The following KCNIP4 variants were observed in gnomAD, a reference collection of about 807,000 sequenced individuals.
KCNIP4 encodes the protein potassium voltage-gated channel interacting protein 4, also known as Kv channel-interacting protein 4.
In KCNIP4, 12 loss-of-function variants were observed where a neutral mutation model predicts 34.0. The observed-to-expected ratio is 0.35, with a 90% CI of 0.23 to 0.57. The LOEUF (loss-of-function observed/expected upper bound fraction) is 0.57. Among genes scored for constraint, KCNIP4 ranks in the 20% least tolerant of loss-of-function variants. The pLI, the probability that KCNIP4 is intolerant of heterozygous loss-of-function variation, is 0.83. For synonymous variants in KCNIP4, 124 were observed against 102.2 expected, an observed-to-expected ratio of 1.21 and a Z score of -1.29; for missense variants, 238 against 311.7, an observed-to-expected ratio of 0.76 and a Z score of 1.78.
At chr4:21,141,281 T>A (rs1577770375) in intron 1 of KCNIP4, among the ~76,000 whole-genome samples, 1 of 152,084 alleles carries the variant, frequency 6.6e-6, no homozygotes, top group Admixed American at 6.6e-5. Flanking sequence ...AAATCTTCAA[T>A]TGGTAAAATA....
In KCNIP4 at chr4:21,751,902, A is replaced by G. The variant is rs188002403; in HGVS notation, c.61+196669T>C. Among the ~76,000 whole-genome samples the G allele has an allele frequency of 8.7e-3, 1,330 of 152,276 alleles. 19 individuals are homozygous for G. The highest frequency in any genetic ancestry group is 0.039 in the South Asian group (187 of 4,828). ...AAAGAAGTGAATGAACTCCAAGGAA[A>G]AGAAGTTCAAATAAAAAGGTAGCAA... On this transcript the variant is annotated intron_variant, in intron 1 of 8. Coordinates refer to ENST00000382152, the MANE Select transcript of KCNIP4 (RefSeq NM_025221.6).
At chr4:21,948,514 C>A in intron 1 of KCNIP4, 57 bp downstream of exon 1, 1 of 1,571,042 alleles carries the variant, frequency 6.4e-7, no homozygotes, top group South Asian at 1.2e-5. Flanking sequence ...GCCGTCTTGG[C>A]TCGCGAGGGA....
chr4:20,857,533 A>T (rs1219289003), intron 2 of KCNIP4, among the ~76,000 whole-genome samples: 1 of 142,980 alleles, frequency 7.0e-6, no homozygotes, highest in Non-Finnish European at 1.6e-5. Context: ...CACAACCAGA[A>T]GTCAAATATG....
At chr4:20,977,701 C>CA (rs1735625488) in intron 1 of KCNIP4, among the ~76,000 whole-genome samples, 1 of 152,198 alleles carries the variant, frequency 6.6e-6, no homozygotes, top group Non-Finnish European at 1.5e-5. Flanking sequence ...AATCTGATTA[C>CA]AAAAATGATT....
At chr4:21,077,511 G>C (rs1056506781) in intron 1 of KCNIP4, among the ~76,000 whole-genome samples, 12 of 151,830 alleles carry the variant, frequency 7.9e-5, no homozygotes, top group African/African-American at 2.9e-4. Context: ...ATTTAGATAA[G>C]CACCTCAAAA....
At chr4:20,963,830 A>T (rs577459793) in intron 1 of KCNIP4, among the ~76,000 whole-genome samples, 6 of 152,178 alleles carry the variant, frequency 3.9e-5, no homozygotes, top group African/African-American at 1.4e-4. Context: ...GCTGGAGTAG[A>T]GGGGCAAGTT....
At chr4:21,265,932 T>C (rs1023670864) in intron 1 of KCNIP4, among the ~76,000 whole-genome samples, 3 of 152,262 alleles carry the variant, frequency 2.0e-5, no homozygotes, top group African/African-American at 7.2e-5. Flanking sequence ...AGTAAGACCA[T>C]AATAATGATT....
intron 1 of KCNIP4, among the ~76,000 whole-genome samples, chr4:21,630,296 C>T (rs536445145): frequency 6.6e-6 from 1 of 152,024 alleles, no homozygotes; most frequent in Non-Finnish European, 1.5e-5. Context: ...AAAACCCCAT[C>T]TCTACTAAAA....
chr4:21,881,010 C>T (rs929618542), intron 1 of KCNIP4, among the ~76,000 whole-genome samples: 2 of 152,122 alleles, frequency 1.3e-5, no homozygotes, highest in East Asian at 1.9e-4. Flanking sequence ...TTTGGGAAGA[C>T]ATTTGTAATG....
At chr4:21,218,615 A>T (rs1224231659) in intron 1 of KCNIP4, among the ~76,000 whole-genome samples, 1 of 152,182 alleles carries the variant, frequency 6.6e-6, no homozygotes, top group African/African-American at 2.4e-5. Flanking sequence ...TCCTAAGACC[A>T]TGAGGAAATC....
chr4:21,286,253 C>T (rs546112418), intron 1 of KCNIP4, among the ~76,000 whole-genome samples: 10 of 152,310 alleles, frequency 6.6e-5, no homozygotes, highest in Middle Eastern at 3.4e-3. Flanking sequence ...ATTGTGTATG[C>T]ATTTCACTGA....
At chr4:21,757,170 G>A (rs200642413) in intron 1 of KCNIP4, among the ~76,000 whole-genome samples, 3,336 of 31,832 alleles carry the variant, frequency 0.1, 99 homozygotes, top group East Asian at 0.26. Flanking sequence ...AAAGAAAGAA[G>A]GAAGGAAGGA....
chr4:21,318,802 G>A (rs1027447844), intron 1 of KCNIP4, among the ~76,000 whole-genome samples: 1 of 151,984 alleles, frequency 6.6e-6, no homozygotes. Flanking sequence ...GTTTTACAAG[G>A]TTAGTAAAAA....
At chr4:21,932,614 T>A (rs117428843) in intron 1 of KCNIP4, among the ~76,000 whole-genome samples, 1 of 152,184 alleles carries the variant, frequency 6.6e-6, no homozygotes, top group East Asian at 1.9e-4. Context: ...GTTACCAGTA[T>A]CATTTTACTG....
intron 2 of KCNIP4, among the ~76,000 whole-genome samples, chr4:20,867,609 C>T (rs1723005394): frequency 6.6e-6 from 1 of 152,050 alleles, no homozygotes; most frequent in Admixed American, 6.6e-5. Flanking sequence ...TCAACATCAA[C>T]TGTGGCAAAT....
At chr4:21,207,844 T>TC (rs1756954916) in intron 1 of KCNIP4, among the ~76,000 whole-genome samples, 1 of 114,362 alleles carries the variant, frequency 8.7e-6, no homozygotes, top group Non-Finnish European at 1.7e-5. Context: ...TTTCTTTTTC[T>TC]TTTTTTTTTT....
At chr4:20,929,348 T>C (rs929794341) in intron 1 of KCNIP4, among the ~76,000 whole-genome samples, 8 of 151,958 alleles carry the variant, frequency 5.3e-5, no homozygotes, top group African/African-American at 1.9e-4. Flanking sequence ...TGATAAAAAC[T>C]CTTAACAGTT....
At chr4:21,865,268 C>A in intron 1 of KCNIP4, among the ~76,000 whole-genome samples, 1 of 150,824 alleles carries the variant, frequency 6.6e-6, no homozygotes. Context: ...GTTCACTCAC[C>A]ATTCATGATC....
chr4:21,856,425 C>T (rs1445821012), intron 1 of KCNIP4, among the ~76,000 whole-genome samples: 2 of 152,218 alleles, frequency 1.3e-5, no homozygotes, highest in African/African-American at 4.8e-5. Context: ...TCTGGAGTGG[C>T]TGCTGCCATG....
Sources: gnomAD v4.1 joint callset for allele counts (sites outside exome capture counted in the v4.1 genomes callset) on GRCh38, gnomAD v4.1.1 for gene constraint, MANE v1.5 for transcripts, NCBI Gene and HGNC (gene_info 2026-07-23, HGNC 2026-07-21) for gene names.